Variants in CHLSN observed in about 807,000 individuals in gnomAD.
CHLSN encodes cholesin.
the CHLSN span, among the ~76,000 whole-genome samples, chr7:1,047,624 T>C: frequency 8.5e-5 from 13 of 152,278 alleles, no homozygotes; most frequent in Non-Finnish European, 1.3e-4. Flanking sequence ...TTGATTGTTC[T>C]AGAATATTCA....
At chr7:1,010,554 C>A in the CHLSN span, among the ~76,000 whole-genome samples, 7 of 152,200 alleles carry the variant, frequency 4.6e-5, no homozygotes, top group Non-Finnish European at 1.0e-4. Flanking sequence ...TGGCCCCAGA[C>A]CCGACCCAAA....
At chr7:1,116,439 C>G in the CHLSN span, among the ~76,000 whole-genome samples, 1 of 132,890 alleles carries the variant, frequency 7.5e-6, no homozygotes, top group Non-Finnish European at 1.6e-5. Context: ...GCTTCCATCA[C>G]CGACGTCCAC....
At chr7:1,091,759 G>GA in the CHLSN span, 1 of 1,548,592 alleles carries the variant, frequency 6.5e-7, no homozygotes, top group Non-Finnish European at 8.7e-7. Context: ...CCGGGGCGTG[G>GA]GCCTGGAGAT....
chr7:987,391 A>G, the CHLSN span: 1 of 1,594,714 alleles, frequency 6.3e-7, no homozygotes, highest in South Asian at 1.1e-5. Flanking sequence ...CCCTGGGCGG[A>G]CTCCCCGGCT....
At chr7:983,325 G>A in the CHLSN span, 1 of 1,539,424 alleles carries the variant, frequency 6.5e-7, no homozygotes, top group Non-Finnish European at 8.7e-7. Flanking sequence ...CTCGCCCGCT[G>A]CCGCTCGTCG....
the CHLSN span, chr7:984,989 G>T: frequency 2.5e-6 from 4 of 1,609,596 alleles, no homozygotes; most frequent in Non-Finnish European, 3.4e-6. Flanking sequence ...AGGGCTGCCC[G>T]CCAGTTCACG....
chr7:1,082,282 C>G, the CHLSN span: 2 of 152,272 alleles, frequency 1.3e-5, no homozygotes. Flanking sequence ...ACGGTAAGGT[C>G]AGAGTGCTCC....
the CHLSN span, among the ~76,000 whole-genome samples, chr7:1,123,113 G>A: frequency 1.3e-5 from 2 of 152,302 alleles, no homozygotes; most frequent in East Asian, 1.9e-4. The surrounding 1 kb of genome is among the most constrained non-coding windows in gnomAD (Gnocchi z 4.4). Flanking sequence ...ACCGAGGAAC[G>A]GCCAAACCTC....
chr7:1,095,731 C>A, the CHLSN span, among the ~76,000 whole-genome samples: 1 of 152,236 alleles, frequency 6.6e-6, no homozygotes, highest in Non-Finnish European at 1.5e-5. Flanking sequence ...CTGCTCGAAG[C>A]CTTAAATGGT....
At chr7:1,133,409 A>AAAAAAAAAAAAAAAAAAAAAAAAC in the CHLSN span, among the ~76,000 whole-genome samples, 2 of 149,544 alleles carry the variant, frequency 1.3e-5, no homozygotes, top group East Asian at 2.2e-4. Context: ...AAAAAAAAAA[A>AAAAAAAAAAAAAAAAAAAAAAAAC]AAAACTATAA....
At chr7:1,047,776 T>G in the CHLSN span, among the ~76,000 whole-genome samples, 1 of 152,172 alleles carries the variant, frequency 6.6e-6, no homozygotes. Context: ...GCTCTAAAGC[T>G]TCAACAACTG....
chr7:1,118,988 C>T, the CHLSN span, among the ~76,000 whole-genome samples: 2 of 152,068 alleles, frequency 1.3e-5, no homozygotes, highest in African/African-American at 4.8e-5. Flanking sequence ...GGCGCAGTGG[C>T]TCACGCCTGT....
chr7:985,131 G>A, the CHLSN span: 1 of 1,604,848 alleles, frequency 6.2e-7, no homozygotes, highest in Non-Finnish European at 8.5e-7. Flanking sequence ...CCCCTCCCCG[G>A]GCCTGGACGT....
the CHLSN span, among the ~76,000 whole-genome samples, chr7:1,050,786 C>T: frequency 3.5e-4 from 53 of 152,222 alleles, no homozygotes; most frequent in African/African-American, 1.3e-3. Context: ...AGAGGCACAG[C>T]TGAGGACCCA....
chr7:1,079,161 G>GC, the CHLSN span, among the ~76,000 whole-genome samples: 1 of 152,230 alleles, frequency 6.6e-6, no homozygotes, highest in Non-Finnish European at 1.5e-5. Context: ...TACGGGAGGA[G>GC]CAGGAAGTCA....
the CHLSN span, among the ~76,000 whole-genome samples, chr7:1,004,386 C>A: frequency 5.9e-5 from 9 of 152,180 alleles, no homozygotes; most frequent in African/African-American, 9.7e-5. Context: ...GACCCCACTT[C>A]ACGGGTGTTC....
the CHLSN span, among the ~76,000 whole-genome samples, chr7:1,002,639 G>A: frequency 7.6e-6 from 1 of 131,432 alleles, no homozygotes; most frequent in Non-Finnish European, 1.6e-5. Context: ...TCCTGTGGGT[G>A]GGGAGTCCTG....
the CHLSN span, among the ~76,000 whole-genome samples, chr7:1,136,501 T>C: frequency 1.0e-2 from 1,057 of 105,738 alleles, 49 homozygotes; most frequent in African/African-American, 0.016. Flanking sequence ...AACATATAAA[T>C]ATATATAAAC....
At chr7:1,030,989 C>T in the CHLSN span, among the ~76,000 whole-genome samples, 1 of 152,210 alleles carries the variant, frequency 6.6e-6, no homozygotes, top group Non-Finnish European at 1.5e-5. Flanking sequence ...CTAGTACAGT[C>T]TCAAGGGTGG....
Sources: gnomAD v4.1 joint callset for allele counts (sites outside exome capture counted in the v4.1 genomes callset) on GRCh38, gnomAD v4.1.1 for gene constraint, Gnocchi (gnomAD v3.1) non-coding constraint, MANE v1.5 for transcripts, NCBI Gene and HGNC (gene_info 2026-07-23, HGNC 2026-07-21) for gene names.